Variants in EXD3 observed in about 807,000 individuals in gnomAD.
The protein encoded by EXD3 is exonuclease mut-7 homolog.
A neutral mutation model predicts 98.0 loss-of-function variants in EXD3; 92 were observed. The ratio of observed to expected loss-of-function variants is 0.94; its 90% CI spans 0.79 to 1.12. EXD3 has a LOEUF of 1.12. EXD3 is among the 50% of genes most tolerant of loss of function. EXD3 has a pLI of 0.00. For missense variants in EXD3, 1,222 were observed against 1,191.6 expected, an observed-to-expected ratio of 1.03 and a Z score of -0.38; for synonymous variants, 569 against 526.0, an observed-to-expected ratio of 1.08 and a Z score of -1.12.
intron 19 of EXD3, among the ~76,000 whole-genome samples, chr9:137,316,265 G>A (rs1243912419): frequency 6.6e-6 from 1 of 151,872 alleles, no homozygotes; most frequent in Non-Finnish European, 1.5e-5. Context: ...CGGCCACTCA[G>A]GGCGCCCGGC....
chr9:137,323,722 CACCTGGCAG>C lies in EXD3; in HGVS notation c.2178_2184+2del. The stretch of plus-strand genomic sequence containing the variant: ...CAGGTAGGACGGGGTGCGCAGGACC[CACCTGGCAG>C]CGGCTGAAGATGTCTGCGTGGGTGA... On this transcript the variant is annotated splice_donor_variant and coding_sequence_variant, in exon 19 of 22. Transcript: ENST00000340951. LOFTEE classifies it high-confidence loss of function. The C allele has an allele frequency of 6.2e-7, 1 of 1,611,776 alleles. No homozygotes were observed. Among genetic ancestry groups the C allele is most frequent in the South Asian group, 1.1e-5 (1 of 91,026 alleles).
chr9:137,326,078 C>CAAAA (rs796346556), intron 17 of EXD3, among the ~76,000 whole-genome samples: 13 of 95,534 alleles, frequency 1.4e-4, no homozygotes, highest in Non-Finnish European at 2.4e-4. Flanking sequence ...GAACCTGTCT[C>CAAAA]AAAAAAAAAA....
intron 2 of EXD3, among the ~76,000 whole-genome samples, chr9:137,386,232 T>G (rs1168320234): frequency 2.6e-5 from 4 of 152,072 alleles, no homozygotes; most frequent in African/African-American, 9.7e-5. Flanking sequence ...AGGTTGAGGC[T>G]GCAGTGAGCC....
In EXD3 at chr9:137,321,497, A is replaced by G. The variant is rs957513522; in HGVS notation, c.2184+2228T>C. 2.6e-5 allele frequency among the ~76,000 whole-genome samples: 4 copies of G among 152,228 alleles called. No homozygotes were observed. The South Asian group carries it at 8.3e-4, about 32-fold the overall frequency. On this transcript the variant is annotated intron_variant, in intron 19 of 21. Transcript: ENST00000340951. ...CAGGAGTTCAAGACCAGCCTGACCA[A>G]CATGGTGAAACCCTGTCTCTACTAA...
chr9:137,391,693 T>A (rs1203648170), intron 2 of EXD3: 2 of 152,018 alleles, frequency 1.3e-5, no homozygotes, highest in African/African-American at 4.8e-5. Flanking sequence ...TGCAGTTTAA[T>A]GCCGTCTGTG....
intron 19 of EXD3, among the ~76,000 whole-genome samples, chr9:137,322,549 C>T (rs1431117034): frequency 3.2e-5 from 3 of 92,492 alleles, no homozygotes; most frequent in African/African-American, 1.4e-4. Context: ...CACCTCAACC[C>T]GGACCACGAG....
rs993898763 is a variant in EXD3 at position 137,403,679 on chromosome 9, G to A, written c.-47-8275C>T. Among the ~76,000 whole-genome samples, 12 of 152,112 alleles carry A rather than the reference G, an allele frequency of 7.9e-5. No homozygotes were observed. The highest frequency in any genetic ancestry group is 1.9e-4 in the East Asian group (1 of 5,170). On this transcript the variant is annotated intron_variant, in intron 1 of 21. Transcript: ENST00000340951. The surrounding 1 kb of genome is among the most constrained non-coding windows in gnomAD (Gnocchi z 6.1). Reference sequence around the variant, plus strand: ...TTGGGGGAGATGGACCAGCAGGCCCGAGATCCAGGGTCTTAGGGCTCCTCC... The same window carrying A: ...TTGGGGGAGATGGACCAGCAGGCCCAAGATCCAGGGTCTTAGGGCTCCTCC...
intron 6 of EXD3, 113 bp downstream of exon 6, chr9:137,367,823 G>C: frequency 5.7e-6 from 6 of 1,049,330 alleles, no homozygotes; most frequent in Non-Finnish European, 8.5e-6. Flanking sequence ...CGATGGCCCT[G>C]CTGTCCCCCA....
intron 1 of EXD3, among the ~76,000 whole-genome samples, chr9:137,402,117 G>A (rs1837503571): frequency 6.6e-6 from 1 of 152,122 alleles, no homozygotes; most frequent in South Asian, 2.1e-4. Flanking sequence ...TCTGGTTCAA[G>A]TGATTCTCTT....
At chr9:137,351,234 C>G (rs545668606) in intron 13 of EXD3, 84 bp downstream of exon 13, 6 of 1,532,040 alleles carry the variant, frequency 3.9e-6, no homozygotes, top group African/African-American at 1.4e-5. Flanking sequence ...GCACCCTCCC[C>G]GGGGCACACG....
intron 6 of EXD3, among the ~76,000 whole-genome samples, 162 bp from the exon 7 acceptor site, chr9:137,366,794 C>T (rs935097650): frequency 6.6e-6 from 1 of 152,228 alleles, no homozygotes; most frequent in Non-Finnish European, 1.5e-5. Flanking sequence ...CTCACACACA[C>T]TCGCCCAAGG....
intron 19 of EXD3, among the ~76,000 whole-genome samples, chr9:137,319,627 G>A (rs1243967977): frequency 1.3e-5 from 2 of 152,160 alleles, no homozygotes; most frequent in Non-Finnish European, 2.9e-5. Flanking sequence ...CAGGCCCTGA[G>A]CACCTCTCGG....
At chr9:137,368,652 G>A (rs967238789) in intron 5 of EXD3, among the ~76,000 whole-genome samples, 1 of 152,232 alleles carries the variant, frequency 6.6e-6, no homozygotes, top group Non-Finnish European at 1.5e-5. Flanking sequence ...GAGCATCGGC[G>A]CCCCGCCCCC....
At chr9:137,373,290 T>C (rs55798053) in intron 4 of EXD3, 136 bp downstream of exon 4, 119,850 of 1,212,286 alleles carry the variant, frequency 0.099, 6,300 homozygotes, top group Middle Eastern at 0.13. Flanking sequence ...GTCTTGGCCA[T>C]AGCCCCCAGC....
chr9:137,325,041 G>A (rs1832316174), intron 17 of EXD3, among the ~76,000 whole-genome samples: 1 of 152,134 alleles, frequency 6.6e-6, no homozygotes, highest in African/African-American at 2.4e-5. Flanking sequence ...TGAATAGAAA[G>A]CTTCAGTATG....
intron 7 of EXD3, chr9:137,365,811 ACAT>A (rs757004029): frequency 1.5e-4 from 53 of 347,660 alleles, no homozygotes; most frequent in African/African-American, 9.0e-4. Flanking sequence ...ACACATGTAC[ACAT>A]CATATGCACG....
rs553382830 is a variant in EXD3 at position 137,352,198 on chromosome 9, C to T, written c.1041G>A (p.Ala347=). Residue 347 remains alanine, a synonymous_variant, in exon 12 of 22, where the codon GCG becomes GCA. Transcript: ENST00000340951. ...CCTCCAGCCTCGAGTCAGCCTCAGT[C>T]GCCCTGGGAGGAGCAGAGCTGGTAG... ...ELRRFRLQGR[A]TEADSRLEVK... 4.4e-5 allele frequency: 71 copies of T among 1,612,572 alleles called. No homozygotes were observed. The highest frequency in any genetic ancestry group is 3.3e-4 in the Middle Eastern group (2 of 6,056).
intron 2 of EXD3, among the ~76,000 whole-genome samples, chr9:137,389,376 C>T (rs955854289): frequency 6.6e-6 from 1 of 152,212 alleles, no homozygotes; most frequent in Admixed American, 6.5e-5. Flanking sequence ...AACCCCAGCA[C>T]AGCACCGTCT....
intron 10 of EXD3, 120 bp downstream of exon 10, chr9:137,354,219 C>A: frequency 1.3e-6 from 2 of 1,497,098 alleles, no homozygotes; most frequent in Non-Finnish European, 1.8e-6. Flanking sequence ...GGGGTCTGGG[C>A]TCAGCAGCCC....
Sources: allele counts gnomAD v4.1 joint callset (sites outside exome capture counted in the v4.1 genomes callset), GRCh38; gene constraint gnomAD v4.1.1; non-coding constraint Gnocchi (gnomAD v3.1); transcripts MANE v1.5; gene names NCBI Gene and HGNC (gene_info 2026-07-23, HGNC 2026-07-21).